The following SINHCAF variants were observed in gnomAD, a reference collection of about 807,000 sequenced individuals.
The protein encoded by SINHCAF is SIN3-HDAC complex-associated factor.
In SINHCAF, 3 loss-of-function variants were observed where a neutral mutation model predicts 25.8. That is an observed-to-expected ratio of 0.12 (90% CI 0.05 to 0.30). SINHCAF has a LOEUF of 0.30. Ranked by LOEUF, SINHCAF falls within the 10% of genes least tolerant of loss-of-function variation. The pLI, the probability that SINHCAF is intolerant of heterozygous loss-of-function variation, is 1.00. For missense variants in SINHCAF, 121 were observed against 262.3 expected, an observed-to-expected ratio of 0.46 and a Z score of 3.72; for synonymous variants, 70 against 85.5, an observed-to-expected ratio of 0.82 and a Z score of 1.00.
Position 31,320,901 on chromosome 12 carries a change from T to C in SINHCAF, c.-21+5123A>G, listed in dbSNP as rs142246170. On this transcript the variant is annotated intron_variant, in intron 1 of 5. Transcript: ENST00000337682. ...CTACTTCAACTCAGCACAGTTAACA[T>C]TTACCAAATTAAAATAACAGTAAGC... Among the ~76,000 whole-genome samples, 1,399 of 152,242 alleles carry C rather than the reference T, an allele frequency of 9.2e-3. 20 individuals carry two copies. The highest frequency in any genetic ancestry group is 0.032 in the African/African-American group (1,315 of 41,528).
intron 1 of SINHCAF, among the ~76,000 whole-genome samples, chr12:31,311,257 T>C (rs992648617): frequency 3.3e-5 from 5 of 152,182 alleles, no homozygotes; most frequent in Non-Finnish European, 7.3e-5. Context: ...GCAGAGGTCA[T>C]ACTGGATTTT....
At chr12:31,321,417 T>C (rs1239263455) in intron 1 of SINHCAF, among the ~76,000 whole-genome samples, 1 of 152,170 alleles carries the variant, frequency 6.6e-6, no homozygotes, top group Non-Finnish European at 1.5e-5. Context: ...AGACACTCAT[T>C]CTTTCCACTA....
intron 1 of SINHCAF, among the ~76,000 whole-genome samples, chr12:31,309,245 G>GT (rs1300623597): frequency 6.6e-6 from 1 of 151,822 alleles, no homozygotes; most frequent in Non-Finnish European, 1.5e-5. Context: ...TCTACAGCCC[G>GT]TAAGTTTTGT....
chr12:31,312,050 CA>C (rs1314247099), intron 1 of SINHCAF: 4 of 545,382 alleles, frequency 7.3e-6, no homozygotes, highest in Non-Finnish European at 1.4e-5. Flanking sequence ...AGGATGGTAC[CA>C]GCAGTCTACA....
At chr12:31,283,855 T>TACACACACACACACACACACACAC (rs57162055) in intron 5 of SINHCAF, among the ~76,000 whole-genome samples, 1 of 140,480 alleles carries the variant, frequency 7.1e-6, no homozygotes, top group Non-Finnish European at 1.5e-5. Context: ...AGTTATCCAT[T>TACACACACACACACACACACACAC]ACACACACAC....
At chr12:31,295,111 T>C (rs1938497685) in intron 3 of SINHCAF, 123 bp downstream of exon 3, 4 of 638,388 alleles carry the variant, frequency 6.3e-6, no homozygotes, top group Non-Finnish European at 1.1e-5. Flanking sequence ...GCAGCTAGTG[T>C]TTTTCTTTAT....
intron 2 of SINHCAF, among the ~76,000 whole-genome samples, chr12:31,296,148 T>C (rs1938540397): frequency 6.6e-6 from 1 of 152,124 alleles, no homozygotes; most frequent in Non-Finnish European, 1.5e-5. Context: ...TCTTGAAATG[T>C]GTAAATATAT....
In SINHCAF at chr12:31,299,039, T is replaced by TAAAA. The variant is rs61329052; in HGVS notation, c.-20-819_-20-816dup. Among the ~76,000 whole-genome samples the TAAAA allele has an allele frequency of 2.7e-3, 382 of 141,790 alleles. 1 individual carries two copies. Among genetic ancestry groups the TAAAA allele is most frequent in the African/African-American group, 9.2e-3 (356 of 38,888 alleles). The allele number at this position is 141,790 out of a possible 152,430, so 93.0% of individuals were successfully genotyped here. On this transcript the variant is annotated intron_variant, in intron 1 of 5. Coordinates refer to ENST00000337682, the MANE Select transcript of SINHCAF (RefSeq NM_001135812.2). ...GTGAAATAAATTGCAGTCCTCCTGT[T>TAAAA]AAAAAAAAAAAAAATCTCAACGTCA... is the stretch of plus-strand genomic sequence containing the variant.
At chr12:31,296,950 A>G (rs1216709538) in intron 2 of SINHCAF, 1 of 422,714 alleles carries the variant, frequency 2.4e-6, no homozygotes, top group East Asian at 7.7e-5. Flanking sequence ...CGGGAGGATC[A>G]CTTGAGCCCA....
chr12:31,295,978 C>T (rs1033563397), intron 2 of SINHCAF, among the ~76,000 whole-genome samples: 29 of 148,708 alleles, frequency 2.0e-4, no homozygotes, highest in African/African-American at 6.2e-4. Context: ...TGCAGGAGTT[C>T]GAGACCAGCC....
chr12:31,298,782 CA>C (rs1274727565), intron 1 of SINHCAF, among the ~76,000 whole-genome samples: 3 of 152,150 alleles, frequency 2.0e-5, no homozygotes, highest in African/African-American at 7.2e-5. Context: ...TCTAAGCAGT[CA>C]AGTTTGCCCC....
In SINHCAF at chr12:31,287,696, C is replaced by G. The variant is rs1938136524; in HGVS notation, c.444G>C (p.Glu148Asp). The G allele has an allele frequency of 2.5e-6, 4 of 1,608,460 alleles. No homozygotes were observed. Among genetic ancestry groups the G allele is most frequent in the Admixed American group, 3.3e-5 (2 of 59,972 alleles). The change falls in exon 5 of 6, where the codon GAG (glutamate) becomes GAC (aspartate). Residue 148 changes from glutamate to aspartate, a missense_variant. Transcript: ENST00000337682. ...GTGTTCTGTTAGAACCAGAAGCCAT[C>G]TCTGTATCTGAGCCGTCATCTGACT... ...SNQSDDGSDT[E>D]MASGSNRTPV...
chr12:31,324,095 G>A lies in SINHCAF; in HGVS notation c.-21+1929C>T, dbSNP rs1297952301. On this transcript the variant is annotated intron_variant, in intron 1 of 5. Coordinates refer to ENST00000337682, the MANE Select transcript of SINHCAF (RefSeq NM_001135812.2). The surrounding 1 kb of genome is among the most constrained non-coding windows in gnomAD (Gnocchi z 5.5). ...TCCTGCGGGGGCCGCTCGCCGGGGC[G>A]AGGGCGAGGGCAGCGGGAGGTGAAC... 1 of 453,648 alleles carries A rather than the reference G, an allele frequency of 2.2e-6. No individual in the cohort carries two copies. Among genetic ancestry groups the A allele is most frequent in the Admixed American group, 2.4e-5 (1 of 42,536 alleles). 28.1% of individuals were successfully genotyped at this position (453,648 alleles called of 1,614,324 possible). A position where few individuals can be genotyped will look rare whatever the true frequency, so the allele number is the denominator to read the frequency against.
chr12:31,301,550 A>G (rs1938795195), intron 1 of SINHCAF, among the ~76,000 whole-genome samples: 1 of 152,160 alleles, frequency 6.6e-6, no homozygotes, highest in African/African-American at 2.4e-5. Flanking sequence ...TAATAAACCT[A>G]TTAAGCCTTT....
At chr12:31,285,418 TACACACACACAC>T (rs71444392) in intron 5 of SINHCAF, among the ~76,000 whole-genome samples, 12 of 141,356 alleles carry the variant, frequency 8.5e-5, no homozygotes, top group Admixed American at 2.9e-4. Context: ...TATATATACA[TACACACACACAC>T]ACACACACAC....
At chr12:31,319,313 G>A (rs574560253) in intron 1 of SINHCAF, among the ~76,000 whole-genome samples, 8 of 152,276 alleles carry the variant, frequency 5.3e-5, no homozygotes, top group Admixed American at 3.3e-4. Context: ...TGGATCACCT[G>A]GTCAGGAGTT....
chr12:31,286,535 G>A (rs150930660), intron 5 of SINHCAF, among the ~76,000 whole-genome samples: 2 of 152,030 alleles, frequency 1.3e-5, no homozygotes, highest in Admixed American at 6.5e-5. Flanking sequence ...TGGTGGCCAT[G>A]CACCTGTAAT....
intron 4 of SINHCAF, among the ~76,000 whole-genome samples, chr12:31,290,449 T>TA (rs1938264269): frequency 6.6e-6 from 1 of 152,146 alleles, no homozygotes; most frequent in South Asian, 2.1e-4. Flanking sequence ...AGCTCACAAA[T>TA]ATTTTATATT....
intron 1 of SINHCAF, among the ~76,000 whole-genome samples, chr12:31,299,379 C>T (rs915461390): frequency 1.3e-5 from 2 of 151,846 alleles, no homozygotes; most frequent in Admixed American, 6.6e-5. Context: ...TGCGGTGGCG[C>T]GATCTAGGCT....
Sources: allele counts gnomAD v4.1 joint callset (sites outside exome capture counted in the v4.1 genomes callset), GRCh38; gene constraint gnomAD v4.1.1; non-coding constraint Gnocchi (gnomAD v3.1); transcripts MANE v1.5; gene names NCBI Gene and HGNC (gene_info 2026-07-23, HGNC 2026-07-21).